The following GALNT13 variants were observed in gnomAD, a reference collection of about 807,000 sequenced individuals.
GALNT13 encodes the protein UDP-GalNAc:polypeptide N-acetylgalactosaminyltransferase 13.
Under a neutral mutation model 64.2 loss-of-function variants are expected in GALNT13, and 28 were observed. The ratio of observed to expected loss-of-function variants is 0.44; its 90% CI spans 0.32 to 0.60. The LOEUF (loss-of-function observed/expected upper bound fraction) is 0.60. Ranked by LOEUF, GALNT13 falls within the 20% of genes least tolerant of loss-of-function variation. The probability of loss-of-function intolerance (pLI) is 0.05; values close to 1 mark genes in which losing one functional copy is unlikely to be tolerated. For synonymous variants in GALNT13, 214 were observed against 224.6 expected (o/e 0.95, Z 0.42); for missense variants, 577 against 669.8 (o/e 0.86, Z 1.53).
the GALNT13 span, among the ~76,000 whole-genome samples, chr2:153,133,631 T>C: frequency 1.3e-5 from 2 of 152,134 alleles, no homozygotes; most frequent in Non-Finnish European, 2.9e-5. Flanking sequence ...TAGACAAAAT[T>C]GAGACTATCT....
At chr2:153,112,896 G>A in the GALNT13 span, among the ~76,000 whole-genome samples, 1 of 152,056 alleles carries the variant, frequency 6.6e-6, no homozygotes, top group Non-Finnish European at 1.5e-5. Context: ...TAGAGAACAA[G>A]TTGTCAAAAT....
At chr2:153,661,322 G>A in the GALNT13 span, among the ~76,000 whole-genome samples, 4 of 152,074 alleles carry the variant, frequency 2.6e-5, no homozygotes, top group Admixed American at 2.0e-4. Context: ...CTGGAGAAAG[G>A]CTACTCAGCT....
chr2:153,355,262 A>G, the GALNT13 span, among the ~76,000 whole-genome samples: 4 of 152,348 alleles, frequency 2.6e-5, no homozygotes, highest in African/African-American at 7.2e-5. Flanking sequence ...AAGAAAGAAT[A>G]TGAATATTAT....
chr2:154,399,442 C>T (rs1386078467), intron 10 of GALNT13, among the ~76,000 whole-genome samples: 4 of 152,184 alleles, frequency 2.6e-5, no homozygotes, highest in South Asian at 2.1e-4. Context: ...GGCATGTTGT[C>T]ACTAAGTCCT....
At chr2:153,663,555 G>A in the GALNT13 span, among the ~76,000 whole-genome samples, 1 of 152,154 alleles carries the variant, frequency 6.6e-6, no homozygotes, top group African/African-American at 2.4e-5. Flanking sequence ...AGTGATTGAC[G>A]TTTTGAGTGT....
the GALNT13 span, among the ~76,000 whole-genome samples, chr2:153,684,408 T>C: frequency 6.6e-6 from 1 of 151,650 alleles, no homozygotes; most frequent in African/African-American, 2.4e-5. Flanking sequence ...TATGCTACAA[T>C]AGGAGTAATG....
rs184480485 is a variant in GALNT13, at chr2:154,212,187, C to T, written c.312-29843C>T. Among the ~76,000 whole-genome samples, 27 of 151,684 alleles carry T rather than the reference C, an allele frequency of 1.8e-4. No homozygotes were observed. In the East Asian group the frequency reaches 4.7e-3, roughly 26 times the overall value. Reference sequence around the variant, plus strand: ...CAAGAATCTTTGTTCTGAATGTGTACAAAATGTTTTGTGGCAGGGGTGCAG... The same window carrying T: ...CAAGAATCTTTGTTCTGAATGTGTATAAAATGTTTTGTGGCAGGGGTGCAG... On this transcript the variant is annotated intron_variant, in intron 4 of 12. Transcript: ENST00000392825.
chr2:154,364,411 G>T (rs1188429663), intron 9 of GALNT13, among the ~76,000 whole-genome samples: 2 of 152,018 alleles, frequency 1.3e-5, no homozygotes, highest in African/African-American at 4.8e-5. Context: ...GGCTTTACAA[G>T]TTCAAGGGAG....
chr2:154,032,662 G>T (rs1400975789), intron 3 of GALNT13, among the ~76,000 whole-genome samples: 1 of 151,780 alleles, frequency 6.6e-6, no homozygotes, highest in Non-Finnish European at 1.5e-5. Context: ...TTCATATGAT[G>T]ATCTCATAAA....
chr2:153,394,620 C>T, the GALNT13 span, among the ~76,000 whole-genome samples: 1 of 152,108 alleles, frequency 6.6e-6, no homozygotes, highest in Non-Finnish European at 1.5e-5. Context: ...GGATCTGATA[C>T]TTGACAGCCT....
At chr2:153,268,581 C>T in the GALNT13 span, among the ~76,000 whole-genome samples, 1 of 152,152 alleles carries the variant, frequency 6.6e-6, no homozygotes, top group African/African-American at 2.4e-5. Context: ...TTTTACAGTT[C>T]CACTAGAAAA....
chr2:153,710,073 A>T, the GALNT13 span, among the ~76,000 whole-genome samples: 1 of 152,040 alleles, frequency 6.6e-6, no homozygotes, highest in Admixed American at 6.6e-5. Context: ...CAGCATGGTG[A>T]ATATATTTAA....
intron 3 of GALNT13, among the ~76,000 whole-genome samples, chr2:153,977,804 G>A (rs1413109444): frequency 1.3e-5 from 2 of 151,778 alleles, no homozygotes; most frequent in Non-Finnish European, 2.9e-5. Flanking sequence ...TAAAATTAAG[G>A]TCCAAAATGC....
the GALNT13 span, among the ~76,000 whole-genome samples, chr2:153,306,094 CTG>C: frequency 6.6e-6 from 1 of 152,156 alleles, no homozygotes; most frequent in Non-Finnish European, 1.5e-5. Flanking sequence ...AATCTGTTGA[CTG>C]GGGATTTCTT....
the GALNT13 span, among the ~76,000 whole-genome samples, chr2:153,399,366 C>T: frequency 6.6e-6 from 1 of 152,182 alleles, no homozygotes; most frequent in African/African-American, 2.4e-5. Context: ...GTGATACCTC[C>T]AGCTTTGTTC....
intron 4 of GALNT13, among the ~76,000 whole-genome samples, chr2:154,220,219 A>G (rs1303389450): frequency 6.6e-6 from 1 of 152,200 alleles, no homozygotes; most frequent in East Asian, 1.9e-4. Context: ...ATGTTCCCAT[A>G]TATTCCAAGT....
At chr2:153,975,802 A>G (rs774922323) in intron 3 of GALNT13, among the ~76,000 whole-genome samples, 1 of 152,070 alleles carries the variant, frequency 6.6e-6, no homozygotes, top group East Asian at 1.9e-4. Context: ...TTGCTAAGAG[A>G]GTAGGTCTTA....
the GALNT13 span, among the ~76,000 whole-genome samples, chr2:153,238,124 G>T: frequency 6.6e-6 from 1 of 151,880 alleles, no homozygotes; most frequent in Non-Finnish European, 1.5e-5. Flanking sequence ...TTTGCCATTT[G>T]CATGTCTTCT....
chr2:153,778,008 A>G, the GALNT13 span, among the ~76,000 whole-genome samples: 1 of 152,194 alleles, frequency 6.6e-6, no homozygotes, highest in South Asian at 2.1e-4. Context: ...AGAGCCAGAA[A>G]GGAGATGATT....
Sources: gnomAD v4.1 joint callset for allele counts (sites outside exome capture counted in the v4.1 genomes callset) on GRCh38, gnomAD v4.1.1 for gene constraint, MANE v1.5 for transcripts, NCBI Gene and HGNC (gene_info 2026-07-23, HGNC 2026-07-21) for gene names.